PELI2: variants seen among roughly 807,000 people sequenced by gnomAD.
PELI2 encodes the protein pellino E3 ubiquitin protein ligase family member 2.
PELI2 carries 23 observed loss-of-function variants against 42.3 expected under a neutral mutation model. The observed-to-expected ratio is 0.54, with a 90% CI of 0.39 to 0.77. The LOEUF (loss-of-function observed/expected upper bound fraction) is 0.77. PELI2 is among the 30% of genes least tolerant of loss of function. The probability of loss-of-function intolerance (pLI) is 0.00; values close to 1 mark genes in which losing one functional copy is unlikely to be tolerated. For missense variants in PELI2, 463 were observed against 553.2 expected, an observed-to-expected ratio of 0.84 and a Z score of 1.64; for synonymous variants, 245 against 212.2, an observed-to-expected ratio of 1.15 and a Z score of -1.34.
At chr14:56,211,397 T>TG (rs1886706686) in intron 2 of PELI2, among the ~76,000 whole-genome samples, 1 of 152,226 alleles carries the variant, frequency 6.6e-6, no homozygotes, top group Non-Finnish European at 1.5e-5. Context: ...TTCCCTGGGT[T>TG]ACCCCCTCTA....
chr14:56,189,484 A>T lies in PELI2; in HGVS notation c.207+11020A>T, dbSNP rs117793548. Among the ~76,000 whole-genome samples, 11 of 152,342 alleles carry T rather than the reference A, an allele frequency of 7.2e-5. No homozygotes were observed. In the East Asian group the frequency reaches 2.1e-3, roughly 29 times the overall value. ...TTCATGGCTCTCTGCCTGATTTCACAGGTTGGGAATGTATAATCCCTGCTG... is the reference window on the plus strand; with the variant it reads ...TTCATGGCTCTCTGCCTGATTTCACTGGTTGGGAATGTATAATCCCTGCTG... On this transcript the variant is annotated intron_variant, in intron 2 of 5. Coordinates refer to ENST00000267460, the MANE Select transcript of PELI2 (RefSeq NM_021255.3).
At position 56,197,412 on chromosome 14, in the gene PELI2, A is replaced by G. The variant is rs1194663267; in HGVS notation, c.207+18948A>G. The stretch of plus-strand genomic sequence containing the variant: ...GGGAGTTGGAGCTTGGGATGAGATG[A>G]GGGTACAGTCAAGTCTTGTTCATGG... On this transcript the variant is annotated intron_variant, in intron 2 of 5. Coordinates refer to ENST00000267460, the MANE Select transcript of PELI2 (RefSeq NM_021255.3). The surrounding 1 kb of genome is among the most constrained non-coding windows in gnomAD (Gnocchi z 4.9). 6.6e-6 allele frequency among the ~76,000 whole-genome samples: 1 copy of G among 152,092 alleles called. No homozygotes were observed. The highest frequency in any genetic ancestry group is 1.5e-5 in the Non-Finnish European group (1 of 68,020).
chr14:56,280,695 G>A (rs1019946514), intron 3 of PELI2, among the ~76,000 whole-genome samples: 2 of 152,044 alleles, frequency 1.3e-5, no homozygotes, highest in Non-Finnish European at 2.9e-5. Flanking sequence ...AAAAACTTAG[G>A]AGAATTCATA....
intron 1 of PELI2, among the ~76,000 whole-genome samples, chr14:56,161,006 T>G: frequency 6.6e-6 from 1 of 151,952 alleles, no homozygotes; most frequent in East Asian, 1.9e-4. Context: ...CCTGTAGAGG[T>G]AAAGGGGATT....
chr14:56,293,429 G>A (rs1365210520), intron 5 of PELI2, among the ~76,000 whole-genome samples: 2 of 152,278 alleles, frequency 1.3e-5, no homozygotes, highest in South Asian at 2.1e-4. Flanking sequence ...TTGAATTGAC[G>A]ACGTAACCTC....
chr14:56,138,874 G>GT (rs1431694991), intron 1 of PELI2, among the ~76,000 whole-genome samples: 2 of 152,204 alleles, frequency 1.3e-5, no homozygotes, highest in African/African-American at 4.8e-5. Context: ...GATTTCTCCT[G>GT]TGTTGTTGAT....
rs1351653886 is a variant in PELI2 at position 56,124,514 on chromosome 14, T to C, written c.77+5777T>C. ...CTTTTCCTGGTGAACTGCTCTCTTA[T>C]TTTTGTCCCAGCCTCTTTGTGAATA... On this transcript the variant is annotated intron_variant, in intron 1 of 5. Coordinates refer to ENST00000267460, the MANE Select transcript of PELI2 (RefSeq NM_021255.3). Among the ~76,000 whole-genome samples, 14 of 152,222 alleles carry C rather than the reference T, an allele frequency of 9.2e-5. 1 individual carries two copies. The highest frequency in any genetic ancestry group is 3.1e-4 in the African/African-American group (13 of 41,464).
intron 2 of PELI2, among the ~76,000 whole-genome samples, chr14:56,256,361 A>T (rs1321798421): frequency 6.6e-6 from 1 of 152,122 alleles, no homozygotes; most frequent in Non-Finnish European, 1.5e-5. Flanking sequence ...CAGAGGTGGG[A>T]GAATCTCTTG....
chr14:56,209,224 G>T (rs1594640962), intron 2 of PELI2, among the ~76,000 whole-genome samples: 1 of 152,194 alleles, frequency 6.6e-6, no homozygotes, highest in Non-Finnish European at 1.5e-5. Flanking sequence ...AAAGCTCATT[G>T]ATGTAGTTTC....
chr14:56,237,344 A>G (rs893758561), intron 2 of PELI2, among the ~76,000 whole-genome samples: 5 of 152,230 alleles, frequency 3.3e-5, no homozygotes, highest in Admixed American at 6.5e-5. Context: ...GAAGATTCAC[A>G]GAATCCATGG....
intron 2 of PELI2, among the ~76,000 whole-genome samples, chr14:56,279,296 T>C (rs2139872638): frequency 6.6e-6 from 1 of 152,314 alleles, no homozygotes; most frequent in South Asian, 2.1e-4. Context: ...ATGTGACTTA[T>C]CTGTTGTGTG....
intron 2 of PELI2, among the ~76,000 whole-genome samples, chr14:56,222,239 T>C (rs2139751522): frequency 6.6e-6 from 1 of 152,350 alleles, no homozygotes; most frequent in Non-Finnish European, 1.5e-5. Flanking sequence ...TGCATATGTG[T>C]GGCTTAATTA....
chr14:56,230,164 G>A (rs996705724), intron 2 of PELI2, among the ~76,000 whole-genome samples: 2 of 152,188 alleles, frequency 1.3e-5, no homozygotes, highest in African/African-American at 4.8e-5. Context: ...GAACCAAGTT[G>A]GGAAACACTC....
At chr14:56,188,618 A>G (rs1036012452) in intron 2 of PELI2, among the ~76,000 whole-genome samples, 1 of 152,190 alleles carries the variant, frequency 6.6e-6, no homozygotes, top group Non-Finnish European at 1.5e-5. Context: ...GCATCATGAT[A>G]AGCAGCTTTG....
At chr14:56,256,340 G>A (rs904956567) in intron 2 of PELI2, among the ~76,000 whole-genome samples, 1 of 152,092 alleles carries the variant, frequency 6.6e-6, no homozygotes, top group Non-Finnish European at 1.5e-5. Context: ...GGAGGCTGAG[G>A]TGGGAGAAGG....
At chr14:56,142,907 G>A (rs1313218955) in intron 1 of PELI2, among the ~76,000 whole-genome samples, 3 of 152,008 alleles carry the variant, frequency 2.0e-5, no homozygotes, top group African/African-American at 7.3e-5. Context: ...TATACAGAGA[G>A]TTCCCATATA....
chr14:56,249,887 C>T (rs1888284544), intron 2 of PELI2, among the ~76,000 whole-genome samples: 1 of 152,162 alleles, frequency 6.6e-6, no homozygotes, highest in Non-Finnish European at 1.5e-5. Flanking sequence ...CTTGATGTCA[C>T]TGAAATATTT....
intron 2 of PELI2, among the ~76,000 whole-genome samples, chr14:56,229,401 G>A (rs1887477710): frequency 6.6e-6 from 1 of 152,336 alleles, no homozygotes. Context: ...AGCTTCCAGA[G>A]GAAGGATCAG....
chr14:56,260,739 G>C (rs1486818059), intron 2 of PELI2, among the ~76,000 whole-genome samples: 1 of 152,144 alleles, frequency 6.6e-6, no homozygotes, highest in African/African-American at 2.4e-5. Flanking sequence ...CTCAAGAAGC[G>C]AACACACTCT....
Sources: allele counts gnomAD v4.1 joint callset (sites outside exome capture counted in the v4.1 genomes callset), GRCh38; gene constraint gnomAD v4.1.1; non-coding constraint Gnocchi (gnomAD v3.1); transcripts MANE v1.5; gene names NCBI Gene and HGNC (gene_info 2026-07-23, HGNC 2026-07-21).